Variants in CRACD observed in about 807,000 individuals in gnomAD.
CRACD encodes the protein capping protein-inhibiting regulator of actin dynamics.
A neutral mutation model predicts 106.8 loss-of-function variants in CRACD; 56 were observed. The ratio of observed to expected loss-of-function variants is 0.52; its 90% confidence interval spans 0.42 to 0.66. The LOEUF is 0.66. CRACD is among the 30% of genes least tolerant of loss of function. CRACD has a pLI of 0.00. For missense variants in CRACD, 1,730 were observed against 1,623.2 expected, an observed-to-expected ratio of 1.07 and a Z score of -1.13; for synonymous variants, 754 against 670.8, an observed-to-expected ratio of 1.12 and a Z score of -1.92.
chr4:56,173,817 G>A (rs1736474666), intron 1 of CRACD, among the ~76,000 whole-genome samples: 1 of 152,112 alleles, frequency 6.6e-6, no homozygotes, highest in South Asian at 2.1e-4. Context: ...TGTGTCCACT[G>A]TACGTTTTAC....
chr4:56,144,970 T>G (rs1364868824), intron 1 of CRACD, among the ~76,000 whole-genome samples: 3 of 152,130 alleles, frequency 2.0e-5, no homozygotes, highest in Non-Finnish European at 4.4e-5. Flanking sequence ...GTGTTTTTAG[T>G]AGAGATTGGG....
At chr4:56,111,870 T>A (rs1734134244) in intron 1 of CRACD, among the ~76,000 whole-genome samples, 1 of 152,176 alleles carries the variant, frequency 6.6e-6, no homozygotes, top group African/African-American at 2.4e-5. Flanking sequence ...ATTTTGGTTC[T>A]TACATGGTAA....
rs147447534 is a variant in CRACD at position 56,159,512 on chromosome 4, C to T, written c.-335-19772C>T. On this transcript the variant is annotated intron_variant, in intron 1 of 10. Transcript: ENST00000682029. The stretch of plus-strand genomic sequence containing the variant: ...AAAATACAAAACAAAATTAGACGGG[C>T]GTGGTGGCGGGCGCCTGTAGTCCCA... Among the ~76,000 whole-genome samples the T allele has an allele frequency of 4.0e-5, 6 of 151,384 alleles. No individual in the cohort carries two copies. The East Asian group carries it at 9.9e-4, about 25-fold the overall frequency.
At chr4:56,268,979 C>T (rs1454047727) in intron 2 of CRACD, among the ~76,000 whole-genome samples, 1 of 152,118 alleles carries the variant, frequency 6.6e-6, no homozygotes, top group Non-Finnish European at 1.5e-5. Context: ...TGAAATCAAA[C>T]CCTCTATTTT....
chr4:56,310,504 A>T (rs1401909), intron 5 of CRACD, among the ~76,000 whole-genome samples, 162 bp from the exon 6 acceptor site: 1,890 of 152,176 alleles, frequency 0.012, 52 homozygotes, highest in African/African-American at 0.043. Context: ...TGGAGTTTGG[A>T]TATTAGCATA....
intron 6 of CRACD, among the ~76,000 whole-genome samples, chr4:56,312,136 T>C (rs1309661791): frequency 2.0e-5 from 3 of 152,190 alleles, no homozygotes; most frequent in Non-Finnish European, 4.4e-5. Context: ...GTCAGTACCC[T>C]GAGACTTCTT....
intron 3 of CRACD, among the ~76,000 whole-genome samples, chr4:56,279,479 C>T (rs752866488): frequency 3.3e-5 from 5 of 152,078 alleles, no homozygotes; most frequent in Admixed American, 1.3e-4. Context: ...AACAAGTGGG[C>T]GAAGGATATG....
rs1233425135 is a variant in CRACD at position 56,298,306 on chromosome 4, C to G, written c.77C>G (p.Ala26Gly). The G allele has an allele frequency of 3.1e-6, 5 of 1,613,994 alleles. No individual in the cohort carries two copies. The highest frequency in any genetic ancestry group is 4.2e-6 in the Non-Finnish European group (5 of 1,180,016). ...GGAESEQTVQ[A>G]MSQDNILGKV... is the part of the protein sequence containing the mutation. ...GCAGAAAGTGAGCAGACAGTTCAAG[C>G]AATGTCACAGGACAACATCCTGGGC... The change falls in exon 4 of 11, where the codon GCA becomes GGA. Residue 26 changes from alanine to glycine, a missense_variant. Coordinates refer to ENST00000682029, the MANE Select transcript of CRACD (RefSeq NM_001393381.1).
intron 2 of CRACD, among the ~76,000 whole-genome samples, chr4:56,269,843 A>T (rs945522836): frequency 1.7e-4 from 26 of 152,236 alleles, no homozygotes; most frequent in Non-Finnish European, 7.4e-5. Context: ...GTCACCTCCC[A>T]CCAAGCCCCA....
At chr4:56,220,193 G>A (rs1007223517) in intron 2 of CRACD, among the ~76,000 whole-genome samples, 3 of 152,176 alleles carry the variant, frequency 2.0e-5, no homozygotes, top group Non-Finnish European at 4.4e-5. Context: ...TTTTTCTGCA[G>A]CCAAATTCTT....
chr4:56,306,245 G>A, intron 4 of CRACD, among the ~76,000 whole-genome samples: 1 of 152,172 alleles, frequency 6.6e-6, no homozygotes, highest in Non-Finnish European at 1.5e-5. Context: ...TGTAATCCCA[G>A]CACTTTGGGA....
At chr4:56,196,438 A>G (rs544097173) in intron 2 of CRACD, 2 of 153,424 alleles carry the variant, frequency 1.3e-5, no homozygotes, top group East Asian at 3.9e-4. Context: ...GTATGGTACA[A>G]AGTGGTGACT....
At chr4:56,302,224 G>A (rs1290312252) in intron 4 of CRACD, among the ~76,000 whole-genome samples, 1 of 152,198 alleles carries the variant, frequency 6.6e-6, no homozygotes, top group Non-Finnish European at 1.5e-5. Flanking sequence ...AGCGGCTTCA[G>A]AAGCTTCGCA....
At chr4:56,261,413 A>C (rs760604080) in intron 2 of CRACD, among the ~76,000 whole-genome samples, 2 of 147,172 alleles carry the variant, frequency 1.4e-5, no homozygotes, top group Non-Finnish European at 3.0e-5. Flanking sequence ...GCTGGAGTGC[A>C]ATGGTGCAAT....
intron 2 of CRACD, chr4:56,196,475 G>A (rs1737616207): frequency 6.5e-6 from 1 of 152,966 alleles, no homozygotes; most frequent in South Asian, 2.1e-4. Flanking sequence ...AGAGACAGAA[G>A]CCCCCTATTC....
At chr4:56,234,761 C>T (rs564526599) in intron 2 of CRACD, among the ~76,000 whole-genome samples, 31 of 152,176 alleles carry the variant, frequency 2.0e-4, no homozygotes, top group African/African-American at 7.0e-4. Context: ...AATTGGGAAA[C>T]GGTGGTGGTA....
intron 1 of CRACD, among the ~76,000 whole-genome samples, chr4:56,069,622 C>T (rs1232837826): frequency 6.6e-6 from 1 of 152,186 alleles, no homozygotes; most frequent in East Asian, 1.9e-4. Flanking sequence ...CACTCAGTTA[C>T]TTTTGTTCTA....
Position 56,049,275 on chromosome 4 carries a change from C to G in CRACD, c.-360C>G, listed in dbSNP as rs1479260280. ...GGTCGCCGGCCAGCCGCTCTGCCAG[C>G]CGGAGCGCCAGGCGGGGACCTCAGG... On this transcript the variant is annotated 5_prime_UTR_variant, in exon 1 of 11. Transcript: ENST00000682029. 1.3e-5 allele frequency: 2 copies of G among 151,380 alleles called. No individual in the cohort carries two copies. Among genetic ancestry groups the G allele is most frequent in the Non-Finnish European group, 2.9e-5 (2 of 67,848 alleles). The allele number at this position is 151,380 out of a possible 1,614,324, so 9.4% of individuals were successfully genotyped here.
At chr4:56,142,091 C>T (rs1358681112) in intron 1 of CRACD, among the ~76,000 whole-genome samples, 2 of 152,268 alleles carry the variant, frequency 1.3e-5, no homozygotes, top group East Asian at 3.9e-4. Flanking sequence ...AATTAAAAAA[C>T]CACACAGTTT....
Sources: allele counts gnomAD v4.1 joint callset (sites outside exome capture counted in the v4.1 genomes callset), GRCh38; gene constraint gnomAD v4.1.1; transcripts MANE v1.5; gene names NCBI Gene and HGNC (gene_info 2026-07-23, HGNC 2026-07-21).